GLO1: variants seen among roughly 807,000 people sequenced by gnomAD.
GLO1 encodes the protein glyoxalase I, also known as lactoylglutathione lyase.
GLO1 carries 28 observed loss-of-function variants against 26.0 expected under a neutral mutation model. The observed-to-expected ratio is 1.08, with a 90% CI of 0.80 to 1.48. The LOEUF (loss-of-function observed/expected upper bound fraction) is 1.48. Among genes scored for constraint, GLO1 ranks in the 40% most tolerant of loss-of-function variants. The pLI is 0.00. For missense variants in GLO1, 225 were observed against 224.8 expected, an observed-to-expected ratio of 1.00 and a Z score of -0.01; for synonymous variants, 78 against 77.6, an observed-to-expected ratio of 1.00 and a Z score of -0.03.
At chr6:38,681,316 C>A (rs1396225186) in intron 5 of GLO1, among the ~76,000 whole-genome samples, 1 of 152,168 alleles carries the variant, frequency 6.6e-6, no homozygotes, top group Non-Finnish European at 1.5e-5. Flanking sequence ...CCCGCCTTGG[C>A]CTCCCAAAGT....
At chr6:38,702,157 G>A (rs965962967) in intron 1 of GLO1, among the ~76,000 whole-genome samples, 2 of 152,026 alleles carry the variant, frequency 1.3e-5, no homozygotes, top group South Asian at 2.1e-4. Context: ...TCTACCTCTT[G>A]ACCTCGTGAT....
chr6:38,688,502 A>G (rs1458273752), intron 1 of GLO1, among the ~76,000 whole-genome samples: 2 of 152,328 alleles, frequency 1.3e-5, no homozygotes, highest in African/African-American at 2.4e-5. Flanking sequence ...CACTATGAAC[A>G]CTACCAAAAT....
At chr6:38,700,457 A>C (rs115199318) in intron 1 of GLO1, among the ~76,000 whole-genome samples, 1,836 of 152,318 alleles carry the variant, frequency 0.012, 38 homozygotes, top group African/African-American at 0.041. Flanking sequence ...TCCTTCTACA[A>C]ACTGAGCCCA....
chr6:38,690,640 TTTA>T (rs542285502), intron 1 of GLO1, among the ~76,000 whole-genome samples: 4 of 152,176 alleles, frequency 2.6e-5, no homozygotes, highest in South Asian at 2.1e-4. Flanking sequence ...AGACTTTAAC[TTTA>T]TTATTAAGAG....
At chr6:38,699,411 C>T (rs774933023) in intron 1 of GLO1, among the ~76,000 whole-genome samples, 8 of 151,840 alleles carry the variant, frequency 5.3e-5, no homozygotes, top group Non-Finnish European at 8.8e-5. Flanking sequence ...ATGAAATCGG[C>T]GCACCTTGAA....
chr6:38,696,726 C>G (rs1761615563), intron 1 of GLO1, among the ~76,000 whole-genome samples: 1 of 152,250 alleles, frequency 6.6e-6, no homozygotes, highest in Admixed American at 6.5e-5. Context: ...ACCTTTATTA[C>G]CCTCAGTCTG....
chr6:38,691,494 A>G (rs1395811858), intron 1 of GLO1, among the ~76,000 whole-genome samples: 1 of 152,054 alleles, frequency 6.6e-6, no homozygotes, highest in Non-Finnish European at 1.5e-5. Context: ...TTTTTAGTAG[A>G]GAAAGGGTTT....
Position 38,690,554 on chromosome 6 carries a change from C to T in GLO1, c.85-3580G>A, listed in dbSNP as rs181483881. Among the ~76,000 whole-genome samples, 380 of 144,884 alleles carry T rather than the reference C, an allele frequency of 2.6e-3. 1 individual carries two copies. Among genetic ancestry groups the T allele is most frequent in the Non-Finnish European group, 4.9e-3 (309 of 63,026 alleles). ...CTTTTAAAAACATTATATATATATA[C>T]ACACACACATGCATATGAAAACAAA... On this transcript the variant is annotated intron_variant, in intron 1 of 5. Transcript: ENST00000373365.
rs1761244628 is a variant in GLO1, at chr6:38,676,492, G to A, written c.*803C>T. ...AGGAAACCAGTGGAGGTATTGTGAG[G>A]TACTACAACTTTGAGGCACAATCTA... On this transcript the variant is annotated 3_prime_UTR_variant, in exon 6 of 6. Coordinates refer to ENST00000373365, the MANE Select transcript of GLO1 (RefSeq NM_006708.3). 6.6e-6 allele frequency: 1 copy of A among 152,158 alleles called. No homozygotes were observed. Among genetic ancestry groups the A allele is most frequent in the Non-Finnish European group, 1.5e-5 (1 of 68,018 alleles). The allele number at this position is 152,158 out of a possible 1,614,324, so 9.4% of individuals were successfully genotyped here.
intron 1 of GLO1, among the ~76,000 whole-genome samples, chr6:38,702,490 G>A (rs1490716823): frequency 6.6e-6 from 1 of 152,112 alleles, no homozygotes; most frequent in Non-Finnish European, 1.5e-5. Flanking sequence ...CCACAGCAAA[G>A]GCCAAGCAAG....
intron 3 of GLO1, among the ~76,000 whole-genome samples, chr6:38,683,680 G>A (rs1761417621): frequency 6.6e-6 from 1 of 152,106 alleles, no homozygotes; most frequent in African/African-American, 2.4e-5. Context: ...GAGGTCAGGA[G>A]ATCGAGACCA....
intron 2 of GLO1, among the ~76,000 whole-genome samples, chr6:38,686,561 A>G (rs964330037): frequency 2.0e-5 from 3 of 152,240 alleles, no homozygotes; most frequent in South Asian, 2.1e-4. Context: ...CTTATTATCT[A>G]TAACTTTTCT....
chr6:38,702,531 T>C (rs1308401546), intron 1 of GLO1, among the ~76,000 whole-genome samples: 1 of 152,072 alleles, frequency 6.6e-6, no homozygotes, highest in African/African-American at 2.4e-5. Flanking sequence ...CGGTTAAACT[T>C]AGAGCGATCA....
intron 1 of GLO1, among the ~76,000 whole-genome samples, chr6:38,700,454 A>G (rs1761681405): frequency 6.6e-6 from 1 of 152,218 alleles, no homozygotes; most frequent in African/African-American, 2.4e-5. Flanking sequence ...TGCTCCTTCT[A>G]CAAACTGAGC....
intron 1 of GLO1, among the ~76,000 whole-genome samples, chr6:38,694,059 T>C (rs1455224001): frequency 6.6e-6 from 1 of 152,194 alleles, no homozygotes; most frequent in Non-Finnish European, 1.5e-5. Flanking sequence ...TTGTAATCCA[T>C]GGATTATTTA....
intron 1 of GLO1, among the ~76,000 whole-genome samples, chr6:38,691,724 C>CT (rs1372498168): frequency 1.3e-5 from 2 of 151,082 alleles, no homozygotes; most frequent in Non-Finnish European, 2.9e-5. Flanking sequence ...ATTAAGGCCC[C>CT]TTTAAGCACC....
chr6:38,677,582 T>A (rs1276876509), intron 5 of GLO1, among the ~76,000 whole-genome samples, 199 bp from the exon 6 acceptor site: 1 of 152,136 alleles, frequency 6.6e-6, no homozygotes, highest in East Asian at 1.9e-4. Context: ...CTTGCCTGGC[T>A]AATTTTTTGA....
intron 1 of GLO1, among the ~76,000 whole-genome samples, chr6:38,689,110 C>G (rs991571732): frequency 6.6e-5 from 10 of 152,300 alleles, no homozygotes; most frequent in African/African-American, 2.4e-4. Flanking sequence ...CGCCTGACAG[C>G]CAGCAAGGAA....
Position 38,690,520 on chromosome 6 carries a change from G to T in GLO1, c.85-3546C>A, listed in dbSNP as rs574388828. Among the ~76,000 whole-genome samples, 14 of 151,826 alleles carry T rather than the reference G, an allele frequency of 9.2e-5. No homozygotes were observed. The South Asian group carries it at 2.3e-3, about 25-fold the overall frequency. Reference sequence around the variant, plus strand: ...TAATGGCATGGGAATATATAAAATGGTATATTAGCTTTTAAAAACATTATA... The same window carrying T: ...TAATGGCATGGGAATATATAAAATGTTATATTAGCTTTTAAAAACATTATA... On this transcript the variant is annotated intron_variant, in intron 1 of 5. Transcript: ENST00000373365.
Sources: allele counts gnomAD v4.1 joint callset (sites outside exome capture counted in the v4.1 genomes callset), GRCh38; gene constraint gnomAD v4.1.1; transcripts MANE v1.5; gene names NCBI Gene and HGNC (gene_info 2026-07-23, HGNC 2026-07-21).